CAPZB: variants seen among roughly 807,000 people sequenced by gnomAD.
CAPZB encodes the protein F-actin-capping protein subunit beta.
A neutral mutation model predicts 38.1 loss-of-function variants in CAPZB; 2 were observed. That is an observed-to-expected ratio of 0.05 (90% CI 0.02 to 0.17). The LOEUF (loss-of-function observed/expected upper bound fraction) is 0.17. Among genes scored for constraint, CAPZB ranks in the 10% least tolerant of loss-of-function variants. The pLI is 1.00. For synonymous variants in CAPZB, 107 were observed against 127.4 expected, an observed-to-expected ratio of 0.84 and a Z score of 1.08; for missense variants, 161 against 334.2, an observed-to-expected ratio of 0.48 and a Z score of 4.04.
chr1:19,393,282 G>C (rs1217141991), intron 2 of CAPZB, among the ~76,000 whole-genome samples: 1 of 152,226 alleles, frequency 6.6e-6, no homozygotes, highest in Non-Finnish European at 1.5e-5. Context: ...GGCCAAGCTT[G>C]TTTTTGGACG....
At chr1:19,440,740 T>G (rs1013185323) in intron 1 of CAPZB, among the ~76,000 whole-genome samples, 2 of 152,166 alleles carry the variant, frequency 1.3e-5, no homozygotes, top group African/African-American at 4.8e-5. Flanking sequence ...GACAGACTAT[T>G]ACAGTAAAAG....
chr1:19,367,651 C>T (rs1021611199), intron 4 of CAPZB, among the ~76,000 whole-genome samples: 4 of 152,140 alleles, frequency 2.6e-5, no homozygotes, highest in East Asian at 1.9e-4. Flanking sequence ...AGGTATTCAG[C>T]GGAAATTCCT....
At chr1:19,344,925 G>A (rs539252575) in intron 7 of CAPZB, among the ~76,000 whole-genome samples, 10 of 152,326 alleles carry the variant, frequency 6.6e-5, no homozygotes, top group African/African-American at 1.9e-4. Context: ...GACCTAGTGC[G>A]CCCCAGAGCC....
chr1:19,364,193 T>C (rs1407192200), intron 4 of CAPZB, among the ~76,000 whole-genome samples: 1 of 152,252 alleles, frequency 6.6e-6, no homozygotes, highest in Admixed American at 6.5e-5. Context: ...ACCAACACAG[T>C]GCAAAAGACT....
chr1:19,402,707 G>A lies in CAPZB; in HGVS notation c.93+16954C>T, dbSNP rs112854416. Among the ~76,000 whole-genome samples the A allele has an allele frequency of 2.0e-3, 310 of 152,258 alleles. 1 individual carries two copies. Among genetic ancestry groups the A allele is most frequent in the African/African-American group, 7.0e-3 (290 of 41,544 alleles). On this transcript the variant is annotated intron_variant, in intron 2 of 8. Transcript: ENST00000264202. ...GATTTGCCTGCCAAGGGTGGGCCAC[G>A]GTGTCCTCTGTGGTGCTCTGCAGTG...
intron 1 of CAPZB, among the ~76,000 whole-genome samples, chr1:19,433,673 G>A (rs1414700799): frequency 6.6e-6 from 1 of 152,308 alleles, no homozygotes; most frequent in South Asian, 2.1e-4. Flanking sequence ...CTAGAAGGGG[G>A]TGGTGCTGCT....
chr1:19,419,382 C>T (rs2094392759), intron 2 of CAPZB, among the ~76,000 whole-genome samples: 1 of 152,194 alleles, frequency 6.6e-6, no homozygotes, highest in Admixed American at 6.5e-5. Context: ...TAAATGCAAG[C>T]TTCTAGAAAC....
chr1:19,477,720 C>T (rs2094611787), intron 1 of CAPZB, among the ~76,000 whole-genome samples: 1 of 152,222 alleles, frequency 6.6e-6, no homozygotes, highest in South Asian at 2.1e-4. Flanking sequence ...GAAGCTCCAG[C>T]AGATAGGGTG....
chr1:19,431,845 G>A (rs2094442806), intron 1 of CAPZB, among the ~76,000 whole-genome samples: 1 of 152,050 alleles, frequency 6.6e-6, no homozygotes, highest in Non-Finnish European at 1.5e-5. Context: ...GGGAGGCAGA[G>A]GTAGGCAGAT....
At chr1:19,420,428 T>C (rs191010790) in intron 1 of CAPZB, among the ~76,000 whole-genome samples, 1 of 152,310 alleles carries the variant, frequency 6.6e-6, no homozygotes, top group Admixed American at 6.5e-5. Context: ...ATGTTTTTCA[T>C]TTTTTAAAGA....
At chr1:19,346,817 CTTTTTT>C (rs34733600) in intron 6 of CAPZB, among the ~76,000 whole-genome samples, 3 of 84,100 alleles carry the variant, frequency 3.6e-5, no homozygotes, top group Admixed American at 1.4e-4. Context: ...CGACTTTTGT[CTTTTTT>C]TTTTTTTTTT....
intron 3 of CAPZB, among the ~76,000 whole-genome samples, chr1:19,383,132 A>T (rs80042597): frequency 4.2e-5 from 6 of 141,456 alleles, no homozygotes; most frequent in Non-Finnish European, 9.3e-5. Flanking sequence ...AAAAAAAAAA[A>T]GGAGAGAGAA....
At chr1:19,476,724 T>C (rs1217903099) in intron 1 of CAPZB, among the ~76,000 whole-genome samples, 5 of 152,238 alleles carry the variant, frequency 3.3e-5, no homozygotes, top group African/African-American at 1.2e-4. Flanking sequence ...GCTGAGTGGC[T>C]ATCTTTTGGA....
At chr1:19,464,365 C>T (rs1459299058) in intron 1 of CAPZB, among the ~76,000 whole-genome samples, 2 of 143,792 alleles carry the variant, frequency 1.4e-5, no homozygotes, top group Non-Finnish European at 3.0e-5. Flanking sequence ...AATCTCGGCT[C>T]ACTGCAAGCT....
chr1:19,349,454 T>C (rs1297038365), intron 6 of CAPZB, among the ~76,000 whole-genome samples: 1 of 152,128 alleles, frequency 6.6e-6, no homozygotes, highest in African/African-American at 2.4e-5. Flanking sequence ...GAGCTCACTG[T>C]GGGCCCCATT....
At chr1:19,406,813 G>C (rs933949557) in intron 2 of CAPZB, among the ~76,000 whole-genome samples, 10 of 152,146 alleles carry the variant, frequency 6.6e-5, no homozygotes, top group African/African-American at 2.4e-4. Context: ...AGAGTATTTT[G>C]CGCAAGTTTG....
At chr1:19,396,139 G>A (rs928755820) in intron 2 of CAPZB, among the ~76,000 whole-genome samples, 1 of 152,250 alleles carries the variant, frequency 6.6e-6, no homozygotes, top group Admixed American at 6.5e-5. Flanking sequence ...TGCAGGATGC[G>A]GTCTTGAGCC....
intron 2 of CAPZB, among the ~76,000 whole-genome samples, chr1:19,399,944 C>T (rs1003646575): frequency 6.6e-6 from 1 of 152,122 alleles, no homozygotes; most frequent in Admixed American, 6.5e-5. Context: ...CTGCCCAGCT[C>T]TTCGGTTCAC....
Position 19,357,413 on chromosome 1 carries a change from A to G in CAPZB, c.471+9T>C. The stretch of plus-strand genomic sequence containing the variant: ...GTGGCCCGGGCCACCAGCTGCTGGG[A>G]GGCAGTACCTGCACTTCTACCACGT... On this transcript the variant is annotated intron_variant, in intron 5 of 8. Coordinates refer to ENST00000264202, the MANE Select transcript of CAPZB (RefSeq NM_004930.5). This position sits in a 1 kb window ranked among gnomAD's most constrained non-coding sequence, Gnocchi z 4.3. 6.2e-7 allele frequency: 1 copy of G among 1,613,272 alleles called. No homozygotes were observed. Among genetic ancestry groups the G allele is most frequent in the African/African-American group, 1.3e-5 (1 of 74,996 alleles).
Sources: gnomAD v4.1 joint callset for allele counts (sites outside exome capture counted in the v4.1 genomes callset) on GRCh38, gnomAD v4.1.1 for gene constraint, Gnocchi (gnomAD v3.1) non-coding constraint, MANE v1.5 for transcripts, NCBI Gene and HGNC (gene_info 2026-07-23, HGNC 2026-07-21) for gene names.